Variants in CDH13 observed in about 807,000 individuals in gnomAD.
CDH13 encodes the protein cadherin-13.
In CDH13, 24 loss-of-function variants were observed where a neutral mutation model predicts 63.8. The ratio of observed to expected loss-of-function variants is 0.38; its 90% CI spans 0.27 to 0.53. CDH13 has a LOEUF of 0.53. Among genes scored for constraint, CDH13 ranks in the 20% least tolerant of loss-of-function variants. The pLI is 0.85. For missense variants in CDH13, 1,049 were observed against 903.1 expected (o/e 1.16, Z -2.07); for synonymous variants, 503 against 355.3 (o/e 1.42, Z -4.67).
chr16:83,628,306 C>G (rs1005955291), intron 8 of CDH13, among the ~76,000 whole-genome samples: 3 of 152,170 alleles, frequency 2.0e-5, no homozygotes, highest in Non-Finnish European at 4.4e-5. Flanking sequence ...CAGGGTTTCC[C>G]CTTGTTGCCC....
intron 3 of CDH13, among the ~76,000 whole-genome samples, chr16:83,117,391 C>T (rs1214973590): frequency 7.7e-6 from 1 of 130,000 alleles, no homozygotes; most frequent in Admixed American, 8.3e-5. Flanking sequence ...ATTCTTCCTC[C>T]ATCTTCCACT....
At chr16:83,306,481 G>A (rs912886146) in intron 5 of CDH13, among the ~76,000 whole-genome samples, 1 of 152,234 alleles carries the variant, frequency 6.6e-6, no homozygotes, top group East Asian at 1.9e-4. Context: ...ATGCCCCTTG[G>A]GTTTCATTCC....
At chr16:83,077,322 G>A (rs2032923199) in intron 3 of CDH13, among the ~76,000 whole-genome samples, 1 of 148,614 alleles carries the variant, frequency 6.7e-6, no homozygotes, top group South Asian at 2.1e-4. Flanking sequence ...CTTCTGAGTA[G>A]TTGGAATTAC....
At chr16:83,022,281 A>G (rs537965230) in intron 2 of CDH13, among the ~76,000 whole-genome samples, 1 of 152,326 alleles carries the variant, frequency 6.6e-6, no homozygotes, top group East Asian at 1.9e-4. Context: ...CATGCTGAGG[A>G]AGAATTGAAT....
intron 7 of CDH13, among the ~76,000 whole-genome samples, chr16:83,570,545 G>A (rs575691804): frequency 6.6e-6 from 1 of 151,976 alleles, no homozygotes; most frequent in South Asian, 2.1e-4. Context: ...CAGCCTCGCT[G>A]CTTTACTGGG....
chr16:82,919,742 G>A (rs28701026), intron 2 of CDH13, among the ~76,000 whole-genome samples: 10 of 151,960 alleles, frequency 6.6e-5, no homozygotes, highest in Non-Finnish European at 1.0e-4. Context: ...CTTAAGCCGC[G>A]GTATAATTCT....
chr16:82,713,946 T>A (rs149946322), intron 1 of CDH13, among the ~76,000 whole-genome samples: 18 of 152,112 alleles, frequency 1.2e-4, no homozygotes, highest in African/African-American at 3.9e-4. Flanking sequence ...ACCCTTAATA[T>A]CATTATTCTT....
At chr16:83,166,676 G>C (rs552225100) in intron 4 of CDH13, among the ~76,000 whole-genome samples, 1 of 152,116 alleles carries the variant, frequency 6.6e-6, no homozygotes, top group Non-Finnish European at 1.5e-5. Flanking sequence ...GGTTATGATA[G>C]AGCATCTCAT....
chr16:82,758,436 C>T (rs62034523), intron 1 of CDH13, among the ~76,000 whole-genome samples: 1 of 129,178 alleles, frequency 7.7e-6, no homozygotes, highest in African/African-American at 2.9e-5. Context: ...ACCCCCCCCC[C>T]TTTGCTTTGT....
rs953928142 is a variant in CDH13, at chr16:83,129,893, C to T, written c.483+4392C>T. On this transcript the variant is annotated intron_variant, in intron 4 of 13. Coordinates refer to ENST00000567109, the MANE Select transcript of CDH13 (RefSeq NM_001257.5). ...TTATTTTTTGCATACTTCATTTCAT[C>T]CTCTGCTTTTACCTCATTTCCTGAA... Among the ~76,000 whole-genome samples, 11 of 152,310 alleles carry T rather than the reference C, an allele frequency of 7.2e-5. No individual in the cohort carries two copies. In the East Asian group the frequency reaches 9.6e-4, roughly 13 times the overall value.
At chr16:82,764,407 T>C (rs1230958568) in intron 1 of CDH13, among the ~76,000 whole-genome samples, 1 of 152,104 alleles carries the variant, frequency 6.6e-6, no homozygotes, top group African/African-American at 2.4e-5. Flanking sequence ...CTTAGTGAAA[T>C]AAAACTAGAA....
At chr16:83,433,223 C>A (rs977273549) in intron 6 of CDH13, among the ~76,000 whole-genome samples, 1 of 152,200 alleles carries the variant, frequency 6.6e-6, no homozygotes, top group Non-Finnish European at 1.5e-5. Context: ...GAGTTCTCGT[C>A]CTGGCTCTTG....
At chr16:82,848,662 C>G (rs2039362499) in intron 1 of CDH13, among the ~76,000 whole-genome samples, 1 of 151,916 alleles carries the variant, frequency 6.6e-6, no homozygotes, top group Admixed American at 6.6e-5. Context: ...ACTGTTCCAC[C>G]AACTGGCCCT....
intron 6 of CDH13, among the ~76,000 whole-genome samples, chr16:83,481,734 C>G (rs556767771): frequency 6.6e-6 from 1 of 152,242 alleles, no homozygotes; most frequent in South Asian, 2.1e-4. Context: ...CAGGGAGTGA[C>G]AGGGTGATTA....
intron 2 of CDH13, among the ~76,000 whole-genome samples, chr16:82,993,735 A>G (rs1398741072): frequency 6.6e-6 from 1 of 152,146 alleles, no homozygotes; most frequent in Non-Finnish European, 1.5e-5. Context: ...GTACCAAAAA[A>G]CACAGAAAAC....
At chr16:82,929,869 A>G (rs1239740389) in intron 2 of CDH13, among the ~76,000 whole-genome samples, 1 of 151,828 alleles carries the variant, frequency 6.6e-6, no homozygotes, top group Non-Finnish European at 1.5e-5. Context: ...AGAAAGGAGT[A>G]GTCATAACAA....
chr16:83,754,870 C>T (rs406704), intron 11 of CDH13, among the ~76,000 whole-genome samples: 39,451 of 152,010 alleles, frequency 0.26, 5,697 homozygotes, highest in Non-Finnish European at 0.34. Context: ...TCCTATCTGA[C>T]TAATACAGGA....
chr16:83,275,606 C>G (rs564877824), intron 5 of CDH13, among the ~76,000 whole-genome samples: 10 of 152,108 alleles, frequency 6.6e-5, no homozygotes, highest in African/African-American at 2.2e-4. Context: ...GGAGGGGGCA[C>G]CATTTTCCTC....
intron 6 of CDH13, among the ~76,000 whole-genome samples, chr16:83,361,678 C>A (rs186621730): frequency 1.6e-3 from 242 of 152,176 alleles, no homozygotes; most frequent in Admixed American, 5.2e-3. Context: ...ATTTATTGAA[C>A]AGAGAGTCCT....
Sources: gnomAD v4.1 joint callset for allele counts (sites outside exome capture counted in the v4.1 genomes callset) on GRCh38, gnomAD v4.1.1 for gene constraint, MANE v1.5 for transcripts, NCBI Gene and HGNC (gene_info 2026-07-23, HGNC 2026-07-21) for gene names.